Variants in NEGR1 observed in about 807,000 individuals in gnomAD.
The protein encoded by NEGR1 is neuronal growth regulator 1.
Under a neutral mutation model 40.9 loss-of-function variants are expected in NEGR1, and 10 were observed. That is an observed-to-expected ratio of 0.24 (90% confidence interval 0.15 to 0.42). NEGR1 has a LOEUF of 0.42. Among genes scored for constraint, NEGR1 ranks in the 10% least tolerant of loss-of-function variants. The pLI is 1.00. For synonymous variants in NEGR1, 185 were observed against 166.8 expected (o/e 1.11, Z -0.84); for missense variants, 352 against 438.9 (o/e 0.80, Z 1.77).
intron 2 of NEGR1, among the ~76,000 whole-genome samples, chr1:71,874,893 G>A (rs1425539425): frequency 1.3e-5 from 2 of 151,980 alleles, no homozygotes; most frequent in Non-Finnish European, 2.9e-5. Context: ...ACCCAGGCTG[G>A]AATGCAGTAA....
intron 2 of NEGR1, among the ~76,000 whole-genome samples, chr1:71,789,868 C>T (rs967009172): frequency 3.7e-4 from 57 of 152,186 alleles, no homozygotes; most frequent in African/African-American, 1.4e-3. Context: ...TCCAAATATG[C>T]TACCTGGTAA....
intron 2 of NEGR1, among the ~76,000 whole-genome samples, chr1:71,836,584 C>G (rs1015757568): frequency 6.6e-6 from 1 of 151,274 alleles, no homozygotes; most frequent in Non-Finnish European, 1.5e-5. Context: ...CTGTGTATAT[C>G]AAGACAACCT....
chr1:72,276,547 T>G (rs1656053115), intron 1 of NEGR1, among the ~76,000 whole-genome samples: 1 of 152,174 alleles, frequency 6.6e-6, no homozygotes, highest in Non-Finnish European at 1.5e-5. Flanking sequence ...TATTAAATGA[T>G]ATATGAATTC....
chr1:71,434,836 A>T (rs529406379), intron 6 of NEGR1, among the ~76,000 whole-genome samples: 9 of 152,344 alleles, frequency 5.9e-5, no homozygotes, highest in African/African-American at 2.2e-4. Flanking sequence ...TCACGCCTGT[A>T]ATCCCAGCAC....
At chr1:71,816,852 A>G (rs1658235772) in intron 2 of NEGR1, among the ~76,000 whole-genome samples, 1 of 151,860 alleles carries the variant, frequency 6.6e-6, no homozygotes, top group Admixed American at 6.6e-5. Flanking sequence ...CTGTGCTTGT[A>G]TTACATCCCT....
intron 1 of NEGR1, among the ~76,000 whole-genome samples, chr1:72,200,284 G>A (rs1242397034): frequency 6.6e-6 from 1 of 151,834 alleles, no homozygotes; most frequent in Non-Finnish European, 1.5e-5. Context: ...CATCAGCAGT[G>A]GGCTCGATAA....
intron 1 of NEGR1, among the ~76,000 whole-genome samples, chr1:72,086,375 GTTGT>G (rs573419538): frequency 4.6e-5 from 7 of 152,100 alleles, no homozygotes; most frequent in African/African-American, 9.7e-5. Flanking sequence ...TGTTTTGCAC[GTTGT>G]TTGTTTCTTA....
At chr1:72,033,242 G>C (rs909795824) in intron 1 of NEGR1, among the ~76,000 whole-genome samples, 2 of 152,088 alleles carry the variant, frequency 1.3e-5, no homozygotes, top group African/African-American at 4.8e-5. Context: ...ATGATAAAAG[G>C]AACAGCAGTA....
At chr1:71,553,986 G>C (rs1469901952) in intron 6 of NEGR1, among the ~76,000 whole-genome samples, 1 of 151,406 alleles carries the variant, frequency 6.6e-6, no homozygotes, top group Non-Finnish European at 1.5e-5. Flanking sequence ...TTACAGAAAA[G>C]AGTTTTTTAG....
intron 6 of NEGR1, among the ~76,000 whole-genome samples, chr1:71,509,999 A>C (rs1647062038): frequency 6.6e-6 from 1 of 152,220 alleles, no homozygotes. Flanking sequence ...ATACTGCCCC[A>C]GATGGGACCA....
intron 1 of NEGR1, among the ~76,000 whole-genome samples, chr1:71,935,566 T>A (rs1645898118): frequency 6.6e-6 from 1 of 151,984 alleles, no homozygotes; most frequent in Admixed American, 6.6e-5. Flanking sequence ...TGTGTGTGTG[T>A]TTCAACTGAA....
intron 6 of NEGR1, among the ~76,000 whole-genome samples, chr1:71,454,603 C>T (rs1323032242): frequency 6.6e-6 from 1 of 152,146 alleles, no homozygotes; most frequent in Non-Finnish European, 1.5e-5. Context: ...ATCCCCATAT[C>T]CTGAGTTGGG....
At chr1:71,850,743 C>T (rs1659574419) in intron 2 of NEGR1, among the ~76,000 whole-genome samples, 1 of 152,082 alleles carries the variant, frequency 6.6e-6, no homozygotes, top group East Asian at 1.9e-4. Context: ...TCAGATGCTC[C>T]AATATTTAAG....
chr1:71,524,688 G>A (rs538052140), intron 6 of NEGR1, among the ~76,000 whole-genome samples: 9 of 151,724 alleles, frequency 5.9e-5, no homozygotes, highest in African/African-American at 2.2e-4. Flanking sequence ...ACATTATGTA[G>A]CTAAGGGGAA....
intron 6 of NEGR1, among the ~76,000 whole-genome samples, chr1:71,573,835 G>A (rs1158447745): frequency 6.6e-6 from 1 of 152,090 alleles, no homozygotes; most frequent in Non-Finnish European, 1.5e-5. Flanking sequence ...ACCTAAAAAA[G>A]GCCTTTTAAG....
chr1:71,699,107 A>G (rs1653591551), intron 3 of NEGR1, among the ~76,000 whole-genome samples: 1 of 151,990 alleles, frequency 6.6e-6, no homozygotes, highest in Admixed American at 6.6e-5. Flanking sequence ...TGCTTCCATT[A>G]AATTGTTTGT....
intron 4 of NEGR1, among the ~76,000 whole-genome samples, chr1:71,666,238 C>T (rs149970795): frequency 2.6e-5 from 4 of 152,142 alleles, no homozygotes; most frequent in Admixed American, 1.3e-4. Context: ...TTTTCTATTA[C>T]GAAAATAGTT....
At chr1:72,028,057 T>A (rs1646827132) in intron 1 of NEGR1, among the ~76,000 whole-genome samples, 1 of 152,218 alleles carries the variant, frequency 6.6e-6, no homozygotes, top group Non-Finnish European at 1.5e-5. Flanking sequence ...TCTTATCTCG[T>A]GAAATTTCTA....
intron 6 of NEGR1, among the ~76,000 whole-genome samples, chr1:71,427,717 A>T (rs1049179015): frequency 7.9e-5 from 12 of 152,208 alleles, no homozygotes; most frequent in Admixed American, 6.5e-5. Flanking sequence ...CAATACATTC[A>T]GTAAGCAATA....
Sources: gnomAD v4.1 joint callset for allele counts (sites outside exome capture counted in the v4.1 genomes callset) on GRCh38, gnomAD v4.1.1 for gene constraint, MANE v1.5 for transcripts, NCBI Gene and HGNC (gene_info 2026-07-23, HGNC 2026-07-21) for gene names.